C2orf42: variants seen among roughly 807,000 people sequenced by gnomAD.
C2orf42 encodes chromosome 2 open reading frame 42.
Under a neutral mutation model 58.9 loss-of-function variants are expected in C2orf42, and 44 were observed. The observed-to-expected ratio is 0.75, with a 90% CI of 0.59 to 0.96. The LOEUF (loss-of-function observed/expected upper bound fraction) is 0.96. C2orf42 is among the 40% of genes least tolerant of loss of function. The probability of loss-of-function intolerance (pLI) is 0.00; values close to 1 mark genes in which losing one functional copy is unlikely to be tolerated. For synonymous variants in C2orf42, 239 were observed against 265.4 expected, an observed-to-expected ratio of 0.90 and a Z score of 0.97; for missense variants, 630 against 699.2, an observed-to-expected ratio of 0.90 and a Z score of 1.12.
At chr2:70,151,660 AC>A (rs2104814445) in intron 9 of C2orf42, among the ~76,000 whole-genome samples, 1 of 152,234 alleles carries the variant, frequency 6.6e-6, no homozygotes, top group Admixed American at 6.5e-5. Flanking sequence ...AAATAAAAAA[AC>A]AAGAAGGATG....
chr2:70,169,283 G>A (rs1312779486), intron 6 of C2orf42, among the ~76,000 whole-genome samples: 1 of 148,548 alleles, frequency 6.7e-6, no homozygotes, highest in African/African-American at 2.5e-5. Flanking sequence ...ACACACACAC[G>A]TGCACACGAA....
At chr2:70,158,710 A>T (rs894024340) in intron 9 of C2orf42, among the ~76,000 whole-genome samples, 2 of 151,772 alleles carry the variant, frequency 1.3e-5, no homozygotes, top group Non-Finnish European at 2.9e-5. Flanking sequence ...AGCCTCCCAA[A>T]GTGCTGGAAT....
At chr2:70,165,398 T>C (rs532641604) in intron 7 of C2orf42, 130 bp downstream of exon 7, 31 of 651,148 alleles carry the variant, frequency 4.8e-5, no homozygotes, top group Admixed American at 3.9e-4. Flanking sequence ...ATTGAAGGCT[T>C]TGTGCTCCAG....
intron 6 of C2orf42, among the ~76,000 whole-genome samples, chr2:70,169,121 T>C (rs1450738423): frequency 6.6e-6 from 1 of 152,130 alleles, no homozygotes; most frequent in Non-Finnish European, 1.5e-5. Context: ...TGGAGTGCAA[T>C]GGCACTATTT....
Position 70,169,583 on chromosome 2 carries a change from T to C in C2orf42, c.1118A>G (p.His373Arg). The C allele has an allele frequency of 6.2e-7, 1 of 1,600,952 alleles. No homozygotes were observed. The highest frequency in any genetic ancestry group is 8.6e-7 in the Non-Finnish European group (1 of 1,168,096). Residue 373 changes from histidine to arginine, a missense_variant, in exon 6 of 10, where the codon CAT (histidine) becomes CGT (arginine). His to Arg is a conservative substitution (Grantham distance 29). Transcript: ENST00000264434. ...ATCAAACTGATAGTGCATGGTTTGA[T>C]GGATGCGTTCTGTGACACTGGCCAG... is the stretch of plus-strand genomic sequence containing the variant. ...DWLASVTERI[H>R]QTMHYQFDGK... is the part of the protein sequence containing the mutation.
intron 4 of C2orf42, among the ~76,000 whole-genome samples, chr2:70,179,252 A>G (rs1674390205): frequency 6.7e-6 from 1 of 149,172 alleles, no homozygotes; most frequent in African/African-American, 2.6e-5. Flanking sequence ...TTTCTCAGGA[A>G]AAAAACCCAT....
At chr2:70,185,124 G>A (rs1227175760) in intron 1 of C2orf42, among the ~76,000 whole-genome samples, 1 of 151,854 alleles carries the variant, frequency 6.6e-6, no homozygotes, top group Non-Finnish European at 1.5e-5. Flanking sequence ...TTTTAGGCTG[G>A]GCGCAGTGGC....
intron 5 of C2orf42, among the ~76,000 whole-genome samples, chr2:70,174,356 G>A (rs6546576): frequency 0.45 from 68,906 of 151,936 alleles, 18,767 homozygotes; most frequent in African/African-American, 0.77. Flanking sequence ...ACTTTTTAAG[G>A]TAATTGTACA....
intron 9 of C2orf42, among the ~76,000 whole-genome samples, chr2:70,154,008 G>A (rs573382572): frequency 1.0e-3 from 158 of 150,866 alleles, no homozygotes; most frequent in African/African-American, 3.5e-3. Context: ...AGCCGAGATC[G>A]CGCCACTGCA....
At chr2:70,188,666 C>A (rs1675117847) in intron 1 of C2orf42, among the ~76,000 whole-genome samples, 1 of 152,116 alleles carries the variant, frequency 6.6e-6, no homozygotes, top group Non-Finnish European at 1.5e-5. Context: ...TTATTATTAA[C>A]TGAACTCTAG....
chr2:70,154,416 A>T (rs1672518165), intron 9 of C2orf42, among the ~76,000 whole-genome samples: 2 of 68,282 alleles, frequency 2.9e-5, no homozygotes, highest in South Asian at 4.4e-4. Flanking sequence ...ATTTTTACTA[A>T]AAAAAAAAAA....
At position 70,181,718 on chromosome 2, in the gene C2orf42, C is replaced by T; in HGVS notation, c.268G>A (p.Val90Met). 1 of 1,614,184 alleles carries T rather than the reference C, an allele frequency of 6.2e-7. No individual in the cohort carries two copies. The highest frequency in any genetic ancestry group is 8.5e-7 in the Non-Finnish European group (1 of 1,180,050). ...GTTGTCTCTGAAACCCCGAGCTCCA[C>T]AAAGCATCGGTAATCAGGGCCCCGG... The part of the protein sequence containing the change: ...RDRGPDYRCF[V>M]ELGVSETTIQ... Residue 90 changes from valine (V) to methionine (M), a missense_variant, in exon 3 of 10, where the codon GTG becomes ATG. Coordinates refer to ENST00000264434, the MANE Select transcript of C2orf42 (RefSeq NM_017880.3).
intron 6 of C2orf42, among the ~76,000 whole-genome samples, chr2:70,167,638 G>A (rs771558027): frequency 5.9e-5 from 9 of 151,960 alleles, no homozygotes; most frequent in Non-Finnish European, 1.2e-4. Flanking sequence ...CTACTCAGGA[G>A]GCTGAAACAC....
chr2:70,174,360 T>C (rs1270080149), intron 5 of C2orf42, among the ~76,000 whole-genome samples: 1 of 152,088 alleles, frequency 6.6e-6, no homozygotes, highest in Non-Finnish European at 1.5e-5. Context: ...TTTAAGGTAA[T>C]TGTACATTCA....
chr2:70,153,687 A>AAC (rs1318188094), intron 9 of C2orf42, among the ~76,000 whole-genome samples: 1 of 151,416 alleles, frequency 6.6e-6, no homozygotes, highest in Non-Finnish European at 1.5e-5. Context: ...AAAAAAAAAA[A>AAC]AACTACATAA....
intron 9 of C2orf42, among the ~76,000 whole-genome samples, chr2:70,154,414 TAAAA>T (rs36028499): frequency 1.8e-3 from 47 of 25,602 alleles, no homozygotes; most frequent in African/African-American, 5.9e-3. Context: ...AAATTTTTAC[TAAAA>T]AAAAAAAAAA....
chr2:70,160,390 G>A (rs1672977729), intron 9 of C2orf42, among the ~76,000 whole-genome samples: 1 of 152,104 alleles, frequency 6.6e-6, no homozygotes, highest in South Asian at 2.1e-4. Context: ...CAATCCACCT[G>A]TCTTGGCCTC....
rs760716205 is a variant in C2orf42, at chr2:70,160,630, T to C, written c.1511A>G (p.Lys504Arg). ...LRPLELKTFL[K>R]VGNTSPDQKE... Reference sequence around the variant, plus strand: ...CAGTTTTGAAGTTCACTTACCAACTTTGAGAAAAGTTTTTAGTTCCAAGGG... The same window carrying C: ...CAGTTTTGAAGTTCACTTACCAACTCTGAGAAAAGTTTTTAGTTCCAAGGG... Residue 504 changes from lysine to arginine, a missense_variant, in exon 9 of 10, where the codon AAA (lysine) becomes AGA (arginine). Lys to Arg is a conservative substitution (Grantham distance 26). Transcript: ENST00000264434. The C allele has an allele frequency of 5.6e-6, 9 of 1,602,140 alleles. No individual in the cohort carries two copies. Among genetic ancestry groups the C allele is most frequent in the Non-Finnish European group, 7.7e-6 (9 of 1,176,442 alleles).
chr2:70,183,315 G>A (rs537167815), intron 1 of C2orf42, among the ~76,000 whole-genome samples: 3 of 152,196 alleles, frequency 2.0e-5, no homozygotes, highest in Non-Finnish European at 4.4e-5. Flanking sequence ...GTGTGCACCT[G>A]TAGTCCCAGC....
Sources: allele counts gnomAD v4.1 joint callset (sites outside exome capture counted in the v4.1 genomes callset), GRCh38; gene constraint gnomAD v4.1.1; transcripts MANE v1.5; gene names NCBI Gene and HGNC (gene_info 2026-07-23, HGNC 2026-07-21).